Variants in ELFN2 observed in about 807,000 individuals in gnomAD.
ELFN2 encodes extracellular leucine rich repeat and fibronectin type III domain containing 2.
A neutral mutation model predicts 45.5 loss-of-function variants in ELFN2; 17 were observed. The observed-to-expected ratio is 0.37, with a 90% CI of 0.26 to 0.56. The LOEUF is 0.56. Ranked by LOEUF, ELFN2 falls within the 20% of genes least tolerant of loss-of-function variation. The pLI is 0.77. For synonymous variants in ELFN2, 550 were observed against 551.5 expected, an observed-to-expected ratio of 1.00 and a Z score of 0.04; for missense variants, 922 against 1,183.2, an observed-to-expected ratio of 0.78 and a Z score of 3.24.
rs761090800 is a variant in ELFN2 at position 37,373,303 on chromosome 22, C to T, written c.2232G>A (p.Ser744=). ...LTRSKRDSTY[S]QLSPRHYYSG... ...AGTAGTAGTGTCTGGGGGAGAGCTGCGAGTAGGTGGAGTCACGCTTGGAGC... is the reference window on the plus strand; with the variant it reads ...AGTAGTAGTGTCTGGGGGAGAGCTGTGAGTAGGTGGAGTCACGCTTGGAGC... The change falls in exon 3 of 3, where the codon TCG becomes TCA. Residue 744 remains serine (S), a synonymous_variant. Transcript: ENST00000402918. 23 of 1,613,626 alleles carry T rather than the reference C, an allele frequency of 1.4e-5. No homozygotes were observed. The highest frequency in any genetic ancestry group is 1.7e-4 in the Middle Eastern group (1 of 6,060).
chr22:37,341,874 T>G (rs984628431), intron 2 of ELFN2, among the ~76,000 whole-genome samples: 4 of 152,234 alleles, frequency 2.6e-5, no homozygotes, highest in Admixed American at 2.6e-4. Flanking sequence ...AATGAGATAA[T>G]TTAGGGGAAT....
intron 1 of ELFN2, among the ~76,000 whole-genome samples, chr22:37,348,108 T>C (rs1367887838): frequency 6.6e-6 from 1 of 152,194 alleles, no homozygotes; most frequent in Non-Finnish European, 1.5e-5. Context: ...AGGGGCCCAA[T>C]TGGGATGCCC....
chr22:37,373,433 G>C lies in ELFN2; in HGVS notation c.2102C>G (p.Pro701Arg). 6.4e-7 allele frequency: 1 copy of C among 1,555,640 alleles called. No homozygotes were observed. Among genetic ancestry groups the C allele is most frequent in the Non-Finnish European group, 8.7e-7 (1 of 1,152,330 alleles). ...GGGIHHLEVK[P>R]AYHCSEHRHS... The stretch of plus-strand genomic sequence containing the variant: ...CCGGTGCTCGCTGCAGTGGTAGGCC[G>C]GCTTCACCTCCAGGTGGTGGATGCC... Residue 701 changes from proline to arginine, a missense_variant, in exon 3 of 3, where the codon CCG becomes CGG. Transcript: ENST00000402918.
intron 2 of ELFN2, among the ~76,000 whole-genome samples, chr22:37,398,177 G>A (rs954701540): frequency 1.2e-4 from 18 of 152,308 alleles, no homozygotes; most frequent in African/African-American, 3.8e-4. Context: ...GAGCCAGGCA[G>A]CTGTGGGCGG....
At chr22:37,380,613 G>A (rs932336839) in intron 2 of ELFN2, among the ~76,000 whole-genome samples, 1 of 152,132 alleles carries the variant, frequency 6.6e-6, no homozygotes, top group African/African-American at 2.4e-5. Flanking sequence ...CCTGGCACAG[G>A]CTCTTCCCTG....
intron 1 of ELFN2, among the ~76,000 whole-genome samples, chr22:37,424,684 G>A (rs913218624): frequency 3.3e-5 from 5 of 152,024 alleles, no homozygotes; most frequent in Admixed American, 6.5e-5. Flanking sequence ...GGGCGGCGGG[G>A]GGGGGGATGG....
chr22:37,398,230 G>A lies in ELFN2; in HGVS notation c.-463+19539C>T, dbSNP rs565500015. Among the ~76,000 whole-genome samples, 14 of 152,184 alleles carry A rather than the reference G, an allele frequency of 9.2e-5. No homozygotes were observed. In the East Asian group the frequency reaches 2.3e-3, roughly 25 times the overall value. ...CCTGGGTAGACCGTGCCGGGCACATGGAGGGCCTCACTAAACAACATTATT... is the reference window on the plus strand; with the variant it reads ...CCTGGGTAGACCGTGCCGGGCACATAGAGGGCCTCACTAAACAACATTATT... On this transcript the variant is annotated intron_variant, in intron 2 of 2. Transcript: ENST00000402918.
intron 1 of ELFN2, among the ~76,000 whole-genome samples, chr22:37,425,848 G>A (rs2145696530): frequency 6.8e-6 from 1 of 147,698 alleles, no homozygotes; most frequent in Non-Finnish European, 1.5e-5. Context: ...GAGAACAGGG[G>A]TGTCAGCCAT....
intron 1 of ELFN2, among the ~76,000 whole-genome samples, chr22:37,345,756 C>T (rs937243291): frequency 3.3e-5 from 5 of 152,156 alleles, no homozygotes; most frequent in Non-Finnish European, 4.4e-5. Context: ...CGATATTGGC[C>T]AGGATGGTCT....
At chr22:37,343,958 G>C (rs1265159636) in intron 1 of ELFN2, among the ~76,000 whole-genome samples, 1 of 151,898 alleles carries the variant, frequency 6.6e-6, no homozygotes, top group Non-Finnish European at 1.5e-5. Flanking sequence ...ACAGGGCAGT[G>C]GGTGGAGGGG....
intron 2 of ELFN2, among the ~76,000 whole-genome samples, chr22:37,398,868 C>T (rs750787565): frequency 7.2e-5 from 11 of 152,118 alleles, no homozygotes; most frequent in Non-Finnish European, 1.6e-4. Context: ...TCCTGCCTTA[C>T]CCACCTTCCC....
chr22:37,392,318 C>CTT (rs1285741986), intron 2 of ELFN2, among the ~76,000 whole-genome samples: 5,496 of 131,090 alleles, frequency 0.042, 169 homozygotes, highest in African/African-American at 0.062. Context: ...GTTGGATTCT[C>CTT]TTTTTTTTTT....
intron 1 of ELFN2, among the ~76,000 whole-genome samples, chr22:37,352,607 C>A (rs1301895348): frequency 2.0e-5 from 3 of 150,622 alleles, no homozygotes; most frequent in African/African-American, 2.4e-5. Flanking sequence ...AAGAAGCTGG[C>A]GTGGCAAAGT....
At chr22:37,384,864 CCCG>C (rs1931901806) in intron 2 of ELFN2, 1 of 151,958 alleles carries the variant, frequency 6.6e-6, no homozygotes, top group African/African-American at 2.4e-5. Flanking sequence ...GTCCACTGGA[CCCG>C]CTCTTTCACC....
chr22:37,382,056 G>A (rs1336015340), intron 2 of ELFN2, among the ~76,000 whole-genome samples: 1 of 147,408 alleles, frequency 6.8e-6, no homozygotes, highest in Non-Finnish European at 1.5e-5. Flanking sequence ...GGCACAAAAT[G>A]TGCCGAGCCT....
chr22:37,386,960 G>A (rs993335870), intron 2 of ELFN2, among the ~76,000 whole-genome samples: 3 of 152,268 alleles, frequency 2.0e-5, no homozygotes, highest in Non-Finnish European at 2.9e-5. Context: ...TCAGAGGGCC[G>A]TGGAGGGGGA....
intron 1 of ELFN2, among the ~76,000 whole-genome samples, chr22:37,350,011 C>T (rs1002642459): frequency 6.6e-6 from 1 of 150,856 alleles, no homozygotes; most frequent in East Asian, 1.9e-4. Flanking sequence ...GCGCCCACAG[C>T]AGCACCTGGT....
At chr22:37,416,795 T>C (rs1932763938) in intron 2 of ELFN2, among the ~76,000 whole-genome samples, 1 of 150,238 alleles carries the variant, frequency 6.7e-6, no homozygotes, top group East Asian at 2.0e-4. Flanking sequence ...ACCTCCTCCG[T>C]CCTCCGGGGC....
Position 37,415,591 on chromosome 22 carries a change from G to A in ELFN2, c.-463+2178C>T, listed in dbSNP as rs938209586. Among the ~76,000 whole-genome samples the A allele has an allele frequency of 2.6e-5, 4 of 152,344 alleles. No individual in the cohort carries two copies. The South Asian group carries it at 8.3e-4, about 32-fold the overall frequency. On this transcript the variant is annotated intron_variant, in intron 2 of 2. Transcript: ENST00000402918. ...CCCACCACTAAGGGTCATGGGGAAA[G>A]GTACGATGCCACAGAACTCTAGTGA...
Sources: allele counts gnomAD v4.1 joint callset (sites outside exome capture counted in the v4.1 genomes callset), GRCh38; gene constraint gnomAD v4.1.1; transcripts MANE v1.5; gene names NCBI Gene and HGNC (gene_info 2026-07-23, HGNC 2026-07-21).